COLGALT1: variants seen among roughly 807,000 people sequenced by gnomAD.
The protein encoded by COLGALT1 is procollagen galactosyltransferase 1.
Under a neutral mutation model 60.8 loss-of-function variants are expected in COLGALT1, and 43 were observed. That is an observed-to-expected ratio of 0.71 (90% CI 0.55 to 0.91). The LOEUF is 0.91. Among genes scored for constraint, COLGALT1 ranks in the 40% least tolerant of loss-of-function variants. The pLI is 0.00. For missense variants in COLGALT1, 845 were observed against 880.0 expected (o/e 0.96, Z 0.50); for synonymous variants, 369 against 374.2 (o/e 0.99, Z 0.16).
chr19:17,568,804 C>T, intron 5 of COLGALT1, 91 bp downstream of exon 5: 2 of 1,305,198 alleles, frequency 1.5e-6, no homozygotes, highest in Non-Finnish European at 2.2e-6. Flanking sequence ...TGAAGATTCA[C>T]AGAACCCAAA....
chr19:17,557,592 G>T (rs1450393294), intron 1 of COLGALT1, among the ~76,000 whole-genome samples: 2 of 150,736 alleles, frequency 1.3e-5, no homozygotes, highest in African/African-American at 2.5e-5. Context: ...GAGCCACAGC[G>T]CCCTGCTGAG....
chr19:17,564,082 C>G (rs922808588), intron 3 of COLGALT1, among the ~76,000 whole-genome samples: 1 of 148,740 alleles, frequency 6.7e-6, no homozygotes, highest in African/African-American at 2.5e-5. Flanking sequence ...TCTACAAAAA[C>G]TAACAAAAAA....
At position 17,561,205 on chromosome 19, in the gene COLGALT1, TCATAAATAAATA is replaced by T. The variant is rs1361572703; in HGVS notation, c.489+753_489+764del. ...CTGGGCGACACAGTGAGACTCCATC[TCATAAATAAATA>T]CATAAATAAATATTTTTAAAAAATA... On this transcript the variant is annotated intron_variant, in intron 3 of 11. Transcript: ENST00000252599. 5.9e-5 allele frequency among the ~76,000 whole-genome samples: 9 copies of T among 151,324 alleles called. No individual in the cohort carries two copies. In the South Asian group the frequency reaches 1.3e-3, roughly 21 times the overall value.
At chr19:17,576,797 G>GA in intron 6 of COLGALT1, among the ~76,000 whole-genome samples, 3 of 149,778 alleles carry the variant, frequency 2.0e-5, no homozygotes, top group South Asian at 2.1e-4. Flanking sequence ...GAGTGGTGCG[G>GA]CTGGGGGGCA....
At chr19:17,578,299 G>A (rs544086709) in intron 9 of COLGALT1, among the ~76,000 whole-genome samples, 3 of 152,152 alleles carry the variant, frequency 2.0e-5, no homozygotes, top group Non-Finnish European at 4.4e-5. Flanking sequence ...CGCAAATGTG[G>A]AAACTGAGCC....
At chr19:17,568,440 C>T (rs879544481) in intron 4 of COLGALT1, 69 bp from the exon 5 acceptor site, 291 of 1,354,718 alleles carry the variant, frequency 2.1e-4, no homozygotes, top group South Asian at 4.6e-4. Context: ...TTTCATGCCG[C>T]CCACTATCAC....
At chr19:17,562,597 G>A (rs2076255714) in intron 3 of COLGALT1, among the ~76,000 whole-genome samples, 3 of 152,032 alleles carry the variant, frequency 2.0e-5, no homozygotes, top group Admixed American at 2.0e-4. Context: ...GGGAGGCAGA[G>A]GTTGCAGTGA....
chr19:17,574,551 A>C (rs938448737), intron 6 of COLGALT1, among the ~76,000 whole-genome samples: 1 of 152,086 alleles, frequency 6.6e-6, no homozygotes, highest in African/African-American at 2.4e-5. Context: ...GCTGGCCTCG[A>C]ACTCCTGTCC....
At chr19:17,568,450 C>T (rs1476140633) in intron 4 of COLGALT1, 59 bp from the exon 5 acceptor site, 8 of 1,420,304 alleles carry the variant, frequency 5.6e-6, no homozygotes, top group Middle Eastern at 2.3e-4. Flanking sequence ...CCCACTATCA[C>T]GGGTCTCCAT....
intron 1 of COLGALT1, 21 bp downstream of exon 1, chr19:17,555,994 C>A: frequency 7.7e-7 from 1 of 1,305,498 alleles, no homozygotes; most frequent in Non-Finnish European, 9.8e-7. Context: ...CCCGCTGTCC[C>A]CATCAGGCGG....
At chr19:17,575,786 CAG>C (rs2076337272) in intron 6 of COLGALT1, among the ~76,000 whole-genome samples, 2 of 152,176 alleles carry the variant, frequency 1.3e-5, no homozygotes, top group African/African-American at 4.8e-5. Flanking sequence ...CCTTCTGCCT[CAG>C]CCTCCCAAGG....
intron 5 of COLGALT1, among the ~76,000 whole-genome samples, chr19:17,570,320 G>C (rs1480999762): frequency 6.6e-6 from 1 of 151,900 alleles, no homozygotes; most frequent in Non-Finnish European, 1.5e-5. Flanking sequence ...GCTCACTGCA[G>C]CCTCAACCTC....
chr19:17,564,975 A>G (rs994376543), intron 3 of COLGALT1, among the ~76,000 whole-genome samples: 1 of 151,974 alleles, frequency 6.6e-6, no homozygotes, highest in African/African-American at 2.4e-5. Context: ...GTCACACTAT[A>G]TGGCGTTTCG....
rs746742004 is a variant in COLGALT1 at position 17,577,312 on chromosome 19, G to A, written c.1026+41G>A. The A allele has an allele frequency of 5.6e-6, 9 of 1,610,376 alleles. No individual in the cohort carries two copies. In the Admixed American group the frequency reaches 8.4e-5, roughly 15 times the overall value. On this transcript the variant is annotated intron_variant, in intron 7 of 11. Coordinates refer to ENST00000252599, the MANE Select transcript of COLGALT1 (RefSeq NM_024656.4). ...CCTGGAGGCGGGGCGGGGGCTGGAG[G>A]GCCCTTGTTTGCAGGGGCTGATCTG...
intron 9 of COLGALT1, among the ~76,000 whole-genome samples, chr19:17,579,099 G>T (rs1015448891): frequency 6.6e-6 from 1 of 151,676 alleles, no homozygotes; most frequent in Non-Finnish European, 1.5e-5. Flanking sequence ...TTGAACCTGG[G>T]AGGCGGAGGT....
At position 17,582,095 on chromosome 19, in the gene COLGALT1, G is replaced by C. The variant is rs917723162; in HGVS notation, c.*651G>C. On this transcript the variant is annotated 3_prime_UTR_variant, in exon 12 of 12. Transcript: ENST00000252599. ...GGCTAGTTTTTGTATTTTTAGTAGA[G>C]ACGGGGTTTCACCATGTTGGCCAGG... The C allele has an allele frequency of 2.0e-5, 3 of 152,698 alleles. No homozygotes were observed. The highest frequency in any genetic ancestry group is 7.2e-5 in the African/African-American group (3 of 41,406). 9.5% of individuals were successfully genotyped at this position (152,698 alleles called of 1,614,324 possible). A position where few individuals can be genotyped will look rare whatever the true frequency, so the allele number is the denominator to read the frequency against.
chr19:17,579,680 G>T, intron 10 of COLGALT1, 71 bp downstream of exon 10: 1 of 1,451,836 alleles, frequency 6.9e-7, no homozygotes, highest in Admixed American at 1.8e-5. Flanking sequence ...GTGGGGGTGG[G>T]GGCAGGGTGG....
intron 6 of COLGALT1, among the ~76,000 whole-genome samples, chr19:17,573,902 A>C (rs2076326330): frequency 1.3e-5 from 2 of 152,044 alleles, no homozygotes; most frequent in African/African-American, 4.8e-5. Flanking sequence ...GGATCCCTTG[A>C]GCCCAGGAGG....
chr19:17,569,786 A>G (rs2076301118), intron 5 of COLGALT1, among the ~76,000 whole-genome samples: 2 of 152,056 alleles, frequency 1.3e-5, no homozygotes, highest in African/African-American at 4.8e-5. Flanking sequence ...TTTAATTGGG[A>G]AAACAAATAT....
Sources: gnomAD v4.1 joint callset for allele counts (sites outside exome capture counted in the v4.1 genomes callset) on GRCh38, gnomAD v4.1.1 for gene constraint, MANE v1.5 for transcripts, NCBI Gene and HGNC (gene_info 2026-07-23, HGNC 2026-07-21) for gene names.